Variants in H6PD observed in about 807,000 individuals in gnomAD.
The protein encoded by H6PD is hexose-6-phosphate dehydrogenase/glucose 1-dehydrogenase, also known as GDH/6PGL endoplasmic bifunctional protein.
A neutral mutation model predicts 61.2 loss-of-function variants in H6PD; 48 were observed. That is an observed-to-expected ratio of 0.78 (90% CI 0.62 to 1.00). H6PD has a LOEUF of 1.00. Ranked by LOEUF, H6PD falls within the 50% of genes least tolerant of loss-of-function variation. H6PD has a pLI of 0.00. For synonymous variants in H6PD, 480 were observed against 457.9 expected, an observed-to-expected ratio of 1.05 and a Z score of -0.62; for missense variants, 1,093 against 1,065.0, an observed-to-expected ratio of 1.03 and a Z score of -0.37.
intron 3 of H6PD, among the ~76,000 whole-genome samples, chr1:9,260,714 G>A (rs189117903): frequency 4.1e-4 from 63 of 152,072 alleles, no homozygotes; most frequent in African/African-American, 1.3e-3. Context: ...CTGGTGTTGT[G>A]TTGTTAGGCT....
intron 3 of H6PD, among the ~76,000 whole-genome samples, chr1:9,259,542 A>G (rs1433169554): frequency 6.7e-6 from 1 of 149,962 alleles, no homozygotes; most frequent in Non-Finnish European, 1.5e-5. Flanking sequence ...TGTGGTTGTT[A>G]CACTAGTATT....
intron 3 of H6PD, among the ~76,000 whole-genome samples, chr1:9,247,285 C>T (rs1405654160): frequency 3.3e-5 from 5 of 152,158 alleles, no homozygotes; most frequent in South Asian, 4.1e-4. Flanking sequence ...CCATGAGGAG[C>T]GTATGGTCCA....
Position 9,263,735 on chromosome 1 carries a change from C to T in H6PD, c.1242C>T (p.Val414=), listed in dbSNP as rs1638424915. The T allele has an allele frequency of 1.2e-6, 2 of 1,613,858 alleles. No homozygotes were observed. The highest frequency in any genetic ancestry group is 1.7e-5 in the Admixed American group (1 of 60,014). ...HGDLGSPAVL[V]SRNLFRPSLP... is the part of the protein sequence containing the mutation. Reference sequence around the variant, plus strand: ...ACCTGGGCAGCCCTGCCGTGCTGGTCAGCAGGAACCTGTTCAGGCCCTCCC... The same window carrying T: ...ACCTGGGCAGCCCTGCCGTGCTGGTTAGCAGGAACCTGTTCAGGCCCTCCC... Residue 414 remains valine (V), a synonymous_variant, in exon 5 of 5, where the codon GTC becomes GTT. Coordinates refer to ENST00000377403, the MANE Select transcript of H6PD (RefSeq NM_004285.4).
chr1:9,262,217 G>C lies in H6PD; in HGVS notation c.904G>C (p.Gly302Arg), dbSNP rs1314534802. 6.2e-7 allele frequency: 1 copy of C among 1,613,878 alleles called. No homozygotes were observed. Among genetic ancestry groups the C allele is most frequent in the Non-Finnish European group, 8.5e-7 (1 of 1,179,902 alleles). ...HKLQVFQALRGLQRGSAVVGQ... is the reference protein window; with the variant it reads ...HKLQVFQALRRLQRGSAVVGQ... ...GCTTCAGGTCTTCCAGGCGCTGCGG[G>C]GCCTGCAGAGGGGCAGTGCCGTCGT... Residue 302 changes from glycine (G) to arginine (R), a missense_variant, in exon 4 of 5, where the codon GGC (glycine) becomes CGC (arginine). By Grantham distance (125) the Gly-to-Arg change is moderately radical (BLOSUM62 -2). Coordinates refer to ENST00000377403, the MANE Select transcript of H6PD (RefSeq NM_004285.4).
Position 9,250,259 on chromosome 1 carries a change from T to C in H6PD, c.745+3176T>C, listed in dbSNP as rs370111096. On this transcript the variant is annotated intron_variant, in intron 3 of 4. Transcript: ENST00000377403. ...GAGCTTGGTGGACTTGGCAGGCGAG[T>C]GCTGCTGCAGTGGGGCTCAGCATGG... is the stretch of plus-strand genomic sequence containing the variant. 8.5e-5 allele frequency among the ~76,000 whole-genome samples: 13 copies of C among 152,186 alleles called. 1 individual carries two copies. In the East Asian group the frequency reaches 1.4e-3, roughly 16 times the overall value.
Position 9,245,634 on chromosome 1 carries a change from C to A in H6PD, c.627+73C>A. 6.8e-7 allele frequency: 1 copy of A among 1,461,240 alleles called. No homozygotes were observed. Among genetic ancestry groups the A allele is most frequent in the South Asian group, 1.2e-5 (1 of 86,764 alleles). 90.5% of individuals were successfully genotyped at this position (1,461,240 alleles called of 1,614,324 possible). On this transcript the variant is annotated intron_variant, in intron 2 of 4. Coordinates refer to ENST00000377403, the MANE Select transcript of H6PD (RefSeq NM_004285.4). This position sits in a 1 kb window ranked among gnomAD's most constrained non-coding sequence, Gnocchi z 4.8. ...GGTAGACCCCAGCAACAAAGCCGCT[C>A]GCTCATTGTGGAGCTAGGCCCCAAG...
In H6PD at chr1:9,245,554, G is replaced by A; in HGVS notation, c.620G>A (p.Gly207Asp). 1 of 1,614,144 alleles carries A rather than the reference G, an allele frequency of 6.2e-7. No homozygotes were observed. Among genetic ancestry groups the A allele is most frequent in the South Asian group, 1.1e-5 (1 of 91,084 alleles). Residue 207 changes from glycine to aspartate, a missense_variant, in exon 2 of 5, where the codon GGC becomes GAC. By Grantham distance (94) the Gly-to-Asp change is moderately conservative. Transcript: ENST00000377403. This position sits in a 1 kb window ranked among gnomAD's most constrained non-coding sequence, Gnocchi z 4.8. ...EEMYRVDHYL[G>D]KQAVAQILPF... ...ATGTACCGGGTGGACCATTACTTAGGCAAGCAGGTGAGCATCAGCATGGAG... is the reference window on the plus strand; with the variant it reads ...ATGTACCGGGTGGACCATTACTTAGACAAGCAGGTGAGCATCAGCATGGAG...
chr1:9,248,464 C>T (rs1026720063), intron 3 of H6PD, among the ~76,000 whole-genome samples: 7 of 152,132 alleles, frequency 4.6e-5, no homozygotes, highest in Non-Finnish European at 1.0e-4. Flanking sequence ...TTCACGGGTG[C>T]TGTGGGGGGT....
chr1:9,247,488 C>G (rs1641218766), intron 3 of H6PD, among the ~76,000 whole-genome samples: 1 of 152,078 alleles, frequency 6.6e-6, no homozygotes, highest in Non-Finnish European at 1.5e-5. Flanking sequence ...ACCTTCTGAC[C>G]CCTCTCTCGC....
At chr1:9,243,537 T>G (rs1641063950) in intron 1 of H6PD, among the ~76,000 whole-genome samples, 2 of 152,110 alleles carry the variant, frequency 1.3e-5, no homozygotes. Context: ...CCCCCTCACT[T>G]CCTTCTTCCT....
Position 9,235,028 on chromosome 1 carries a change from T to C in H6PD, c.-49T>C, listed in dbSNP as rs1006036978. On this transcript the variant is annotated 5_prime_UTR_variant, in exon 1 of 5. Coordinates refer to ENST00000377403, the MANE Select transcript of H6PD (RefSeq NM_004285.4). ...CCGGCCCTCAGCGCCGCCCCGGCCG[T>C]GTCCCGGAGGAGCGGCCTGCGCCGC... 1.4e-5 allele frequency: 2 copies of C among 147,602 alleles called. No individual in the cohort carries two copies. The highest frequency in any genetic ancestry group is 3.0e-5 in the Non-Finnish European group (2 of 66,060). The allele number at this position is 147,602 out of a possible 1,614,324, so 9.1% of individuals were successfully genotyped here. A position where few individuals can be genotyped will look rare whatever the true frequency, so the allele number is the denominator to read the frequency against.
In H6PD at chr1:9,263,834, C is replaced by T. The variant is rs201211727; in HGVS notation, c.1341C>T (p.Tyr447=). The change falls in exon 5 of 5, where the codon TAC becomes TAT. Residue 447 remains tyrosine, a synonymous_variant. Coordinates refer to ENST00000377403, the MANE Select transcript of H6PD (RefSeq NM_004285.4). ...TCGGCAGCCCTCTGTCCGATTACTA[C>T]GCCTACAGCCCTGTGCGGGAGCGGG... is the stretch of plus-strand genomic sequence containing the variant. The part of the protein sequence containing the change: ...RLFGSPLSDY[Y]AYSPVRERDA... 95 of 1,613,844 alleles carry T rather than the reference C, an allele frequency of 5.9e-5. No individual in the cohort carries two copies. Among genetic ancestry groups the T allele is most frequent in the Middle Eastern group, 1.6e-4 (1 of 6,084 alleles).
At chr1:9,259,370 T>TG (rs1272873630) in intron 3 of H6PD, among the ~76,000 whole-genome samples, 5 of 152,352 alleles carry the variant, frequency 3.3e-5, no homozygotes, top group Admixed American at 2.0e-4. Flanking sequence ...ACACCATTGT[T>TG]GCGCCAGTGT....
intron 3 of H6PD, among the ~76,000 whole-genome samples, chr1:9,258,121 C>A (rs566145639): frequency 1.3e-5 from 2 of 152,340 alleles, no homozygotes; most frequent in South Asian, 4.1e-4. Flanking sequence ...TGGGGAGGAG[C>A]GGCGCGGGCC....
At chr1:9,250,776 C>T (rs1248945665) in intron 3 of H6PD, among the ~76,000 whole-genome samples, 1 of 152,222 alleles carries the variant, frequency 6.6e-6, no homozygotes, top group Non-Finnish European at 1.5e-5. Context: ...GGGAAAGGGA[C>T]TTCTGAGCTG....
At chr1:9,250,913 C>A (rs1228724802) in intron 3 of H6PD, among the ~76,000 whole-genome samples, 1 of 152,194 alleles carries the variant, frequency 6.6e-6, no homozygotes, top group African/African-American at 2.4e-5. Context: ...CCTGCTGCAG[C>A]CTCTGGCCCA....
rs1641150893 is a variant in H6PD at position 9,245,659 on chromosome 1, G to A, written c.627+98G>A. The stretch of plus-strand genomic sequence containing the variant: ...CGCTCATTGTGGAGCTAGGCCCCAA[G>A]GCATTGTGAACTCAGAGCTCCCATG... On this transcript the variant is annotated intron_variant, in intron 2 of 4. Transcript: ENST00000377403. This position sits in a 1 kb window ranked among gnomAD's most constrained non-coding sequence, Gnocchi z 4.8. 2 of 1,262,114 alleles carry A rather than the reference G, an allele frequency of 1.6e-6. No individual in the cohort carries two copies. Among genetic ancestry groups the A allele is most frequent in the African/African-American group, 1.5e-5 (1 of 67,858 alleles). 78.2% of individuals were successfully genotyped at this position (1,262,114 alleles called of 1,614,324 possible). A position where few individuals can be genotyped will look rare whatever the true frequency, so the allele number is the denominator to read the frequency against.
Position 9,260,206 on chromosome 1 carries a change from G to A in H6PD, c.746-1853G>A, listed in dbSNP as rs531450847. ...GTTATGCTGGTGTTGTTACATTGCTGTTGACACTGGTGTTGCTGTTGTTAC... is the reference window on the plus strand; with the variant it reads ...GTTATGCTGGTGTTGTTACATTGCTATTGACACTGGTGTTGCTGTTGTTAC... On this transcript the variant is annotated intron_variant, in intron 3 of 4. Coordinates refer to ENST00000377403, the MANE Select transcript of H6PD (RefSeq NM_004285.4). Among the ~76,000 whole-genome samples, 7 of 150,562 alleles carry A rather than the reference G, an allele frequency of 4.6e-5. No individual in the cohort carries two copies. The East Asian group carries it at 1.4e-3, about 29-fold the overall frequency.
chr1:9,245,341 C>T lies in H6PD; in HGVS notation c.407C>T (p.Ala136Val). 6.2e-7 allele frequency: 1 copy of T among 1,614,206 alleles called. No individual in the cohort carries two copies. Among genetic ancestry groups the T allele is most frequent in the South Asian group, 1.1e-5 (1 of 91,090 alleles). ...CTCCAGCACGCAGGCCTCCGGGAGG[C>T]TGGCAGGATCTTCTACTTCTCAGTG... is the stretch of plus-strand genomic sequence containing the variant. ...AQLQHAGLRE[A>V]GRIFYFSVPP... Residue 136 changes from alanine (A) to valine (V), a missense_variant, in exon 2 of 5, where the codon GCT (alanine) becomes GTT (valine). Ala to Val is a moderately conservative substitution (Grantham distance 64). Coordinates refer to ENST00000377403, the MANE Select transcript of H6PD (RefSeq NM_004285.4). The surrounding 1 kb of genome is among the most constrained non-coding windows in gnomAD (Gnocchi z 4.8).
Sources: allele counts gnomAD v4.1 joint callset (sites outside exome capture counted in the v4.1 genomes callset), GRCh38; gene constraint gnomAD v4.1.1; non-coding constraint Gnocchi (gnomAD v3.1); transcripts MANE v1.5; gene names NCBI Gene and HGNC (gene_info 2026-07-23, HGNC 2026-07-21).